TAFA2: variants seen among roughly 807,000 people sequenced by gnomAD.
TAFA2 encodes TAFA chemokine like family member 2.
In TAFA2, 7 loss-of-function variants were observed where a neutral mutation model predicts 18.8. The ratio of observed to expected loss-of-function variants is 0.37; its 90% CI spans 0.21 to 0.70. The LOEUF (loss-of-function observed/expected upper bound fraction) is 0.70. Ranked by LOEUF, TAFA2 falls within the 30% of genes least tolerant of loss-of-function variation. The pLI, the probability that TAFA2 is intolerant of heterozygous loss-of-function variation, is 0.53. For synonymous variants in TAFA2, 60 were observed against 54.2 expected (o/e 1.11, Z -0.47); for missense variants, 122 against 158.1 (o/e 0.77, Z 1.23).
chr12:62,219,059 G>A (rs928839023), intron 1 of TAFA2, among the ~76,000 whole-genome samples: 7 of 152,006 alleles, frequency 4.6e-5, no homozygotes, highest in African/African-American at 1.7e-4. Flanking sequence ...TAACATACCA[G>A]GGAGAATATA....
chr12:61,755,325 T>C (rs183411360), intron 2 of TAFA2, among the ~76,000 whole-genome samples: 7 of 152,256 alleles, frequency 4.6e-5, no homozygotes, highest in African/African-American at 1.4e-4. Flanking sequence ...TATTTGCATA[T>C]GACTTTTTAA....
At chr12:62,104,926 C>G (rs1869379626) in intron 1 of TAFA2, 4 of 228,920 alleles carry the variant, frequency 1.7e-5, no homozygotes, top group South Asian at 1.7e-4. Context: ...GCTGCCAAGT[C>G]CTTGAGGGGG....
chr12:61,898,479 G>A lies in TAFA2; in HGVS notation c.-1-31053C>T, dbSNP rs536344260. Among the ~76,000 whole-genome samples, 573 of 152,286 alleles carry A rather than the reference G, an allele frequency of 3.8e-3. 4 individuals are homozygous for A. The highest frequency in any genetic ancestry group is 0.01 in the African/African-American group (434 of 41,558). On this transcript the variant is annotated intron_variant, in intron 1 of 4. Coordinates refer to ENST00000416284, the MANE Select transcript of TAFA2 (RefSeq NM_178539.5). ...TCCATACATCCTCCGAAATCTATGCGGAGGTTCCCAAAACTCAATTCTTGA... is the reference window on the plus strand; with the variant it reads ...TCCATACATCCTCCGAAATCTATGCAGAGGTTCCCAAAACTCAATTCTTGA...
chr12:61,856,182 A>G (rs1873877372), intron 2 of TAFA2, among the ~76,000 whole-genome samples: 1 of 152,050 alleles, frequency 6.6e-6, no homozygotes, highest in African/African-American at 2.4e-5. Flanking sequence ...CAGCTAGTAA[A>G]GAGATAAACC....
At chr12:61,793,021 C>T (rs938989756) in intron 2 of TAFA2, among the ~76,000 whole-genome samples, 11 of 151,406 alleles carry the variant, frequency 7.3e-5, no homozygotes, top group African/African-American at 2.4e-4. Context: ...CTAAATTACT[C>T]GAGTGAAATA....
intron 1 of TAFA2, among the ~76,000 whole-genome samples, chr12:62,118,177 A>G (rs1468555193): frequency 5.3e-5 from 8 of 152,166 alleles, no homozygotes; most frequent in African/African-American, 4.8e-5. Flanking sequence ...ACAAAGAATA[A>G]TTACATATAT....
chr12:62,168,919 T>C (rs1224204371), intron 1 of TAFA2, among the ~76,000 whole-genome samples: 1 of 147,016 alleles, frequency 6.8e-6, no homozygotes, highest in Non-Finnish European at 1.5e-5. Flanking sequence ...AAACAAGCAC[T>C]CACTCTCTCA....
chr12:61,962,918 G>C (rs568265065), intron 1 of TAFA2, among the ~76,000 whole-genome samples: 2 of 151,186 alleles, frequency 1.3e-5, no homozygotes, highest in Admixed American at 1.3e-4. Flanking sequence ...CCAGCCAACA[G>C]GCTGTGTCCA....
chr12:61,742,821 C>A (rs1234404734), intron 4 of TAFA2, among the ~76,000 whole-genome samples: 1 of 151,936 alleles, frequency 6.6e-6, no homozygotes, highest in Non-Finnish European at 1.5e-5. Flanking sequence ...TTTTCATGTT[C>A]AATTAATTAC....
intron 1 of TAFA2, among the ~76,000 whole-genome samples, chr12:61,933,072 C>T (rs1417812299): frequency 6.6e-6 from 1 of 152,136 alleles, no homozygotes; most frequent in East Asian, 1.9e-4. Flanking sequence ...CCCCAAACTA[C>T]ATCTACATAG....
chr12:61,796,514 T>C (rs1871196108), intron 2 of TAFA2, among the ~76,000 whole-genome samples: 1 of 152,068 alleles, frequency 6.6e-6, no homozygotes, highest in South Asian at 2.1e-4. Context: ...AACAAATCAA[T>C]GGTTGCCCGT....
intron 1 of TAFA2, among the ~76,000 whole-genome samples, chr12:62,005,340 G>C (rs1230235076): frequency 6.6e-6 from 1 of 152,048 alleles, no homozygotes; most frequent in Non-Finnish European, 1.5e-5. Flanking sequence ...TGGAAGAAAA[G>C]TTCTAATTTT....
At chr12:61,727,416 G>A (rs1319912093) in intron 4 of TAFA2, among the ~76,000 whole-genome samples, 1 of 151,328 alleles carries the variant, frequency 6.6e-6, no homozygotes, top group Non-Finnish European at 1.5e-5. Flanking sequence ...GGTCTGTTTA[G>A]AGTTTCTATT....
chr12:61,840,670 C>T (rs921356746), intron 2 of TAFA2, among the ~76,000 whole-genome samples: 3 of 152,040 alleles, frequency 2.0e-5, no homozygotes, highest in African/African-American at 7.2e-5. Context: ...ATATTAAAGA[C>T]CTCCAGTTAA....
At chr12:61,941,960 G>T (rs1245834408) in intron 1 of TAFA2, among the ~76,000 whole-genome samples, 1 of 152,076 alleles carries the variant, frequency 6.6e-6, no homozygotes, top group Non-Finnish European at 1.5e-5. Context: ...CACAGCTCAA[G>T]GAGGCCTGCC....
intron 2 of TAFA2, among the ~76,000 whole-genome samples, chr12:61,790,447 T>C (rs1168712948): frequency 6.6e-6 from 1 of 151,892 alleles, no homozygotes; most frequent in Non-Finnish European, 1.5e-5. Context: ...GCAGAGGCTA[T>C]AGTCTTATGT....
At chr12:62,000,391 T>A (rs1156284000) in intron 1 of TAFA2, among the ~76,000 whole-genome samples, 1 of 146,260 alleles carries the variant, frequency 6.8e-6, no homozygotes, top group Non-Finnish European at 1.5e-5. Context: ...CTAGATTCCA[T>A]ACCAAATGTT....
chr12:62,255,789 G>A (rs2062935558), intron 1 of TAFA2, among the ~76,000 whole-genome samples: 1 of 152,138 alleles, frequency 6.6e-6, no homozygotes, highest in Non-Finnish European at 1.5e-5. Flanking sequence ...GAGAGGCGAA[G>A]GTTGCAGTGA....
intron 2 of TAFA2, among the ~76,000 whole-genome samples, chr12:61,793,735 A>T (rs1184661897): frequency 1.3e-5 from 2 of 151,812 alleles, no homozygotes; most frequent in Non-Finnish European, 2.9e-5. Flanking sequence ...CTATGTCTCA[A>T]CTCACTCTGT....
Sources: gnomAD v4.1 joint callset for allele counts (sites outside exome capture counted in the v4.1 genomes callset) on GRCh38, gnomAD v4.1.1 for gene constraint, MANE v1.5 for transcripts, NCBI Gene and HGNC (gene_info 2026-07-23, HGNC 2026-07-21) for gene names.